The following CHMP4C variants were observed in gnomAD, a reference collection of about 807,000 sequenced individuals.
CHMP4C encodes charged multivesicular body protein 4C.
A neutral mutation model predicts 29.0 loss-of-function variants in CHMP4C; 28 were observed. That is an observed-to-expected ratio of 0.97 (90% CI 0.72 to 1.32). CHMP4C has a LOEUF of 1.32. Ranked by LOEUF, CHMP4C falls within the 40% of genes most tolerant of loss-of-function variation. The pLI is 0.00. For missense variants in CHMP4C, 291 were observed against 281.0 expected (o/e 1.04, Z -0.25); for synonymous variants, 106 against 102.4 (o/e 1.04, Z -0.21).
chr8:81,747,181 A>G (rs1808836178), intron 1 of CHMP4C, among the ~76,000 whole-genome samples: 1 of 152,188 alleles, frequency 6.6e-6, no homozygotes, highest in Admixed American at 6.5e-5. Context: ...ATTATTACAC[A>G]CAGGTATTAA....
intron 1 of CHMP4C, among the ~76,000 whole-genome samples, chr8:81,740,008 T>A (rs1808743517): frequency 6.6e-6 from 1 of 152,236 alleles, no homozygotes; most frequent in Non-Finnish European, 1.5e-5. Context: ...GAATTAAGAT[T>A]TTAATTCCAA....
chr8:81,736,879 C>T (rs1808698668), intron 1 of CHMP4C, among the ~76,000 whole-genome samples: 1 of 152,178 alleles, frequency 6.6e-6, no homozygotes, highest in South Asian at 2.1e-4. Flanking sequence ...CAACTCATTA[C>T]TACTCATAGT....
intron 1 of CHMP4C, among the ~76,000 whole-genome samples, chr8:81,734,307 A>G (rs559144597): frequency 1.5e-4 from 23 of 152,234 alleles, no homozygotes; most frequent in Non-Finnish European, 2.5e-4. Context: ...TTTGTCTACC[A>G]TGGTTGCTCA....
At chr8:81,754,916 A>G (rs567558509) in intron 2 of CHMP4C, among the ~76,000 whole-genome samples, 2 of 152,248 alleles carry the variant, frequency 1.3e-5, no homozygotes, top group South Asian at 2.1e-4. Flanking sequence ...TACAAAAAAT[A>G]GATCTCTAGA....
At position 81,732,465 on chromosome 8, in the gene CHMP4C, G is replaced by A; in HGVS notation, c.-162G>A. 1 of 504,608 alleles carries A rather than the reference G, an allele frequency of 2.0e-6. No homozygotes were observed. Among genetic ancestry groups the A allele is most frequent in the Non-Finnish European group, 3.5e-6 (1 of 284,310 alleles). 31.3% of individuals were successfully genotyped at this position (504,608 alleles called of 1,614,324 possible). ...GAACTGGCAGCCAGGAAATGCCCTG[G>A]AGTGTGTGTCACCTGTCCAGGACGA... is the stretch of plus-strand genomic sequence containing the variant. On this transcript the variant is annotated 5_prime_UTR_variant, in exon 1 of 5. An upstream open reading frame in the 5' UTR gains an earlier in-frame stop. Coordinates refer to ENST00000297265, the MANE Select transcript of CHMP4C (RefSeq NM_152284.4).
chr8:81,743,455 G>A (rs1233222649), intron 1 of CHMP4C, among the ~76,000 whole-genome samples: 2 of 152,020 alleles, frequency 1.3e-5, no homozygotes, highest in Non-Finnish European at 1.5e-5. Context: ...GCAAATAAAA[G>A]ACTCATTTAT....
intron 1 of CHMP4C, among the ~76,000 whole-genome samples, chr8:81,744,217 A>C (rs532601251): frequency 1.3e-5 from 2 of 152,306 alleles, no homozygotes; most frequent in South Asian, 4.1e-4. Flanking sequence ...GGCAAGCAGG[A>C]GTGCAAATCT....
chr8:81,744,233 AC>A lies in CHMP4C; in HGVS notation c.191-8830del, dbSNP rs138172360. The stretch of plus-strand genomic sequence containing the variant: ...GCAAGCAGGAGTGCAAATCTTTAAA[AC>A]GAAGATGTGCTCTATATTTGAGGCT... On this transcript the variant is annotated intron_variant, in intron 1 of 4. Transcript: ENST00000297265. Among the ~76,000 whole-genome samples, 867 of 152,308 alleles carry A rather than the reference AC, an allele frequency of 5.7e-3. 3 individuals carry two copies. Among genetic ancestry groups the A allele is most frequent in the Non-Finnish European group, 9.2e-3 (627 of 68,026 alleles).
At chr8:81,732,859 T>TAAG in intron 1 of CHMP4C, 43 bp downstream of exon 1, 2 of 1,565,994 alleles carry the variant, frequency 1.3e-6, no homozygotes. Context: ...CATCTGCCTC[T>TAAG]AGCCTTTCCC....
chr8:81,733,849 T>C (rs1808650657), intron 1 of CHMP4C, among the ~76,000 whole-genome samples: 1 of 152,170 alleles, frequency 6.6e-6, no homozygotes, highest in Non-Finnish European at 1.5e-5. Flanking sequence ...CACCCTCAAG[T>C]TGGGCTTCTT....
intron 1 of CHMP4C, among the ~76,000 whole-genome samples, chr8:81,736,509 A>G (rs559839377): frequency 6.6e-6 from 1 of 152,232 alleles, no homozygotes; most frequent in African/African-American, 2.4e-5. Flanking sequence ...GTTTAGAGAC[A>G]CTTCCAATAC....
At chr8:81,733,852 G>A (rs376202562) in intron 1 of CHMP4C, among the ~76,000 whole-genome samples, 1 of 152,222 alleles carries the variant, frequency 6.6e-6, no homozygotes, top group South Asian at 2.1e-4. Flanking sequence ...CCTCAAGTTG[G>A]GCTTCTTTAG....
intron 1 of CHMP4C, among the ~76,000 whole-genome samples, chr8:81,744,855 T>C (rs1477302747): frequency 6.6e-6 from 1 of 152,216 alleles, no homozygotes; most frequent in African/African-American, 2.4e-5. Flanking sequence ...AGATCTTTAA[T>C]ACATACTTGT....
In CHMP4C at chr8:81,758,268, T is replaced by C. The variant is rs1188551810; in HGVS notation, c.610T>C (p.Ser204Pro). ...PAQPNRKPGMSSTARRSRAAS... is the reference protein window; with the variant it reads ...PAQPNRKPGMPSTARRSRAAS... ...ACAGCCAAATAGAAAACCAGGCATG[T>C]CGTCCACTGCACGTCGATCCCGAGC... is the stretch of plus-strand genomic sequence containing the variant. Residue 204 changes from serine to proline, a missense_variant, in exon 4 of 5, where the codon TCG becomes CCG. By Grantham distance (74) the Ser-to-Pro change is moderately conservative. Transcript: ENST00000297265. The C allele has an allele frequency of 5.0e-6, 8 of 1,613,924 alleles. No individual in the cohort carries two copies. Among genetic ancestry groups the C allele is most frequent in the Non-Finnish European group, 6.8e-6 (8 of 1,179,968 alleles).
intron 1 of CHMP4C, among the ~76,000 whole-genome samples, chr8:81,739,583 A>G (rs978668358): frequency 3.3e-5 from 5 of 152,196 alleles, no homozygotes; most frequent in African/African-American, 1.2e-4. Context: ...CCTTACCAGA[A>G]GCTCCACTTG....
intron 1 of CHMP4C, among the ~76,000 whole-genome samples, chr8:81,747,350 A>G (rs1172899564): frequency 6.6e-6 from 1 of 152,110 alleles, no homozygotes; most frequent in African/African-American, 2.4e-5. Flanking sequence ...TGCTCAAAAA[A>G]AAAAAAGAGT....
chr8:81,732,454 G>C lies in CHMP4C; in HGVS notation c.-173G>C, dbSNP rs1218587163. 2.4e-6 allele frequency: 1 copy of C among 419,252 alleles called. No homozygotes were observed. The highest frequency in any genetic ancestry group is 2.0e-5 in the African/African-American group (1 of 48,932). The allele number at this position is 419,252 out of a possible 1,614,324, so 26.0% of individuals were successfully genotyped here. A position where few individuals can be genotyped will look rare whatever the true frequency, so the allele number is the denominator to read the frequency against. On this transcript the variant is annotated 5_prime_UTR_variant, in exon 1 of 5. Coordinates refer to ENST00000297265, the MANE Select transcript of CHMP4C (RefSeq NM_152284.4). ...GGGGCGGGGCCGAACTGGCAGCCAG[G>C]AAATGCCCTGGAGTGTGTGTCACCT...
At chr8:81,736,911 C>T (rs1338758073) in intron 1 of CHMP4C, among the ~76,000 whole-genome samples, 1 of 152,210 alleles carries the variant, frequency 6.6e-6, no homozygotes, top group Non-Finnish European at 1.5e-5. Flanking sequence ...TACTTCTCCT[C>T]CCTTCAAATT....
chr8:81,743,029 A>G (rs1010821179), intron 1 of CHMP4C, among the ~76,000 whole-genome samples: 1 of 152,010 alleles, frequency 6.6e-6, no homozygotes, highest in African/African-American at 2.4e-5. Context: ...GAGGAGCTAT[A>G]TATTTTTTAA....
Sources: gnomAD v4.1 joint callset for allele counts (sites outside exome capture counted in the v4.1 genomes callset) on GRCh38, gnomAD v4.1.1 for gene constraint, MANE v1.5 for transcripts, NCBI Gene and HGNC (gene_info 2026-07-23, HGNC 2026-07-21) for gene names.